TAB3: variants seen among roughly 807,000 people sequenced by gnomAD.
The protein encoded by TAB3 is TGF-beta activated kinase 1 (MAP3K7) binding protein 3.
TAB3 carries 18 observed loss-of-function variants against 48.1 expected under a neutral mutation model. The ratio of observed to expected loss-of-function variants is 0.37; its 90% CI spans 0.26 to 0.55. The LOEUF is 0.55. Among genes scored for constraint, TAB3 ranks in the 20% least tolerant of loss-of-function variants. The probability of loss-of-function intolerance (pLI) is 0.78; values close to 1 mark genes in which losing one functional copy is unlikely to be tolerated. For synonymous variants in TAB3, 185 were observed against 190.2 expected (o/e 0.97, Z 0.22); for missense variants, 414 against 549.8 (o/e 0.75, Z 2.47).
intron 2 of TAB3, among the ~76,000 whole-genome samples, chrX:30,869,406 A>C (rs1053369320): frequency 1.8e-5 from 2 of 111,430 alleles, no homozygotes; most frequent in African/African-American, 6.5e-5. Context: ...CCCCCTCCTA[A>C]ATGCCTACAA....
At position 30,831,464 on chromosome X, in the gene TAB3, T is replaced by C. The variant is rs1938031255; in HGVS notation, c.2102A>G (p.Asn701Ser). ...SCTFLNHPAL[N>S]RCEQCEMPRY... is the part of the protein sequence containing the mutation. ...TGGCATCTCGCACTGCTCACAGCGA[T>C]TTAGTGCTGGGTGGTTAAGAAAGGT... is the stretch of plus-strand genomic sequence containing the variant. The change falls in exon 11 of 11, where the codon AAT becomes AGT. Residue 701 changes from asparagine (N) to serine (S), a missense_variant. Coordinates refer to ENST00000288422, the MANE Select transcript of TAB3 (RefSeq NM_152787.5). The C allele has an allele frequency of 1.7e-6, 2 of 1,210,787 alleles. No homozygotes were observed. The highest frequency in any genetic ancestry group is 3.0e-5 in the East Asian group (1 of 33,818).
chrX:30,831,032 G>C lies in TAB3; in HGVS notation c.*395C>G, dbSNP rs914838380. On this transcript the variant is annotated 3_prime_UTR_variant, in exon 11 of 11. Transcript: ENST00000288422. The stretch of plus-strand genomic sequence containing the variant: ...AGCGGTGACCAGGTAAGTCTGCTCT[G>C]GGAATTCACAGTTTGCATAAACTGT... 2 of 108,874 alleles carry C rather than the reference G, an allele frequency of 1.8e-5. No individual in the cohort carries two copies. The highest frequency in any genetic ancestry group is 3.7e-5 in the Non-Finnish European group (2 of 53,924). 9.0% of individuals were successfully genotyped at this position (108,874 alleles called of 1,213,427 possible).
rs760758803 is a variant in TAB3, at chrX:30,859,630, G to A, written c.-42C>T. 13 of 933,252 alleles carry A rather than the reference G, an allele frequency of 1.4e-5. No individual in the cohort carries two copies. The South Asian group carries it at 1.5e-4, about 11-fold the overall frequency. The allele number at this position is 933,252 out of a possible 1,213,427, so 76.9% of individuals were successfully genotyped here. ...GCCAAGTTTCTCTTAGGAAATGGAT[G>A]TTAACCGGCTTTCCAAAAGTAATGA... On this transcript the variant is annotated 5_prime_UTR_variant, in exon 5 of 11. Transcript: ENST00000288422.
At chrX:30,853,435 T>C (rs932342611) in intron 6 of TAB3, among the ~76,000 whole-genome samples, 1 of 112,525 alleles carries the variant, frequency 8.9e-6, no homozygotes, top group Admixed American at 9.4e-5. Flanking sequence ...TATATGTAAA[T>C]ATCATTATGC....
chrX:30,885,472 TG>T lies in TAB3; in HGVS notation c.-383+3641del, dbSNP rs747758746. On this transcript the variant is annotated intron_variant, in intron 1 of 10. Transcript: ENST00000288422. ...AAAAGGAAATCTTCCCTCCCATAAC[TG>T]GAAGTCTGAGCTTCCCTAGGACCAC... Among the ~76,000 whole-genome samples, 6 of 111,910 alleles carry T rather than the reference TG, an allele frequency of 5.4e-5. No homozygotes were observed. In the South Asian group the frequency reaches 2.2e-3, roughly 42 times the overall value.
At chrX:30,850,700 A>G (rs1287018154) in intron 7 of TAB3, among the ~76,000 whole-genome samples, 1 of 104,485 alleles carries the variant, frequency 9.6e-6, no homozygotes, top group African/African-American at 3.5e-5. Context: ...TGACAGGGTG[A>G]GACTCTCCAT....
chrX:30,853,976 CTAACTTTATTCT>C, intron 6 of TAB3, 128 bp downstream of exon 6: 1 of 775,066 alleles, frequency 1.3e-6, no homozygotes. Flanking sequence ...CACCCGGCCA[CTAACTTTATTCT>C]TAATAGCAAT....
chrX:30,885,054 T>C (rs942980945), intron 1 of TAB3, among the ~76,000 whole-genome samples: 1 of 112,386 alleles, frequency 8.9e-6, no homozygotes, highest in Non-Finnish European at 1.9e-5. Flanking sequence ...AATTTAGAAA[T>C]TCTTCATTGA....
At chrX:30,837,859 T>C (rs73454154) in intron 9 of TAB3, among the ~76,000 whole-genome samples, 1,577 of 112,544 alleles carry the variant, frequency 0.014, 18 homozygotes, top group African/African-American at 0.048. Context: ...GTGAGGTAGG[T>C]AGAGATCAGA....
rs1937958650 is a variant in TAB3 at position 30,829,143 on chromosome X, C to G, written c.*2284G>C. The G allele has an allele frequency of 8.9e-6, 1 of 112,207 alleles. No homozygotes were observed. Among genetic ancestry groups the G allele is most frequent in the South Asian group, 3.7e-4 (1 of 2,712 alleles). The allele number at this position is 112,207 out of a possible 1,213,427, so 9.2% of individuals were successfully genotyped here. A position where few individuals can be genotyped will look rare whatever the true frequency, so the allele number is the denominator to read the frequency against. The stretch of plus-strand genomic sequence containing the variant: ...CCTGGCAGGTGAAAACAATGATTGA[C>G]TAGATAATATCACCAAAGGATTGAA... On this transcript the variant is annotated 3_prime_UTR_variant, in exon 11 of 11. Transcript: ENST00000288422.
intron 10 of TAB3, among the ~76,000 whole-genome samples, chrX:30,833,610 T>TC (rs1938094511): frequency 9.1e-6 from 1 of 110,098 alleles, no homozygotes; most frequent in African/African-American, 3.3e-5. Context: ...GGCGGGTGGA[T>TC]CACGAGGTCA....
intron 1 of TAB3, among the ~76,000 whole-genome samples, chrX:30,882,445 AAC>A (rs755059170): frequency 2.2e-3 from 247 of 111,894 alleles, no homozygotes; most frequent in Non-Finnish European, 4.1e-3. Context: ...GTCCCATGAA[AAC>A]ACAGTTTTAA....
chrX:30,843,268 G>GTA (rs985373949), intron 8 of TAB3: 2 of 271,520 alleles, frequency 7.4e-6, no homozygotes, highest in African/African-American at 5.6e-5. Flanking sequence ...TGTCTACAAT[G>GTA]TATTACACTT....
chrX:30,840,968 G>A (rs771703152), intron 9 of TAB3, among the ~76,000 whole-genome samples: 3 of 111,894 alleles, frequency 2.7e-5, no homozygotes, highest in Non-Finnish European at 3.8e-5. Context: ...AGGCAAAATC[G>A]AGTTTAAAGA....
chrX:30,847,474 C>T (rs983250163), intron 7 of TAB3, among the ~76,000 whole-genome samples: 22 of 107,117 alleles, frequency 2.1e-4, no homozygotes, highest in Non-Finnish European at 1.3e-4. Flanking sequence ...CCATGTCATC[C>T]TTAATTTCTT....
chrX:30,851,525 T>C (rs902951679), intron 7 of TAB3, among the ~76,000 whole-genome samples: 2 of 112,172 alleles, frequency 1.8e-5, no homozygotes, highest in African/African-American at 6.5e-5. Context: ...TTTCCTCCAA[T>C]GTAATAATCT....
At chrX:30,847,235 TATAA>T (rs1938656322) in intron 7 of TAB3, among the ~76,000 whole-genome samples, 2 of 110,903 alleles carry the variant, frequency 1.8e-5, no homozygotes. Context: ...TAAATTCATA[TATAA>T]ATATTTTTGT....
At chrX:30,872,083 C>T (rs962016329) in intron 1 of TAB3, among the ~76,000 whole-genome samples, 1 of 111,889 alleles carries the variant, frequency 8.9e-6, no homozygotes, top group Non-Finnish European at 1.9e-5. Context: ...ATTTTAGCTT[C>T]GGAGAAAGCT....
At chrX:30,876,144 C>G (rs1184788698) in intron 1 of TAB3, among the ~76,000 whole-genome samples, 1 of 111,728 alleles carries the variant, frequency 9.0e-6, no homozygotes, top group Non-Finnish European at 1.9e-5. Context: ...TGTGATGTGG[C>G]CTTGAGTCAT....
Sources: allele counts gnomAD v4.1 joint callset (sites outside exome capture counted in the v4.1 genomes callset), GRCh38; gene constraint gnomAD v4.1.1; transcripts MANE v1.5; gene names NCBI Gene and HGNC (gene_info 2026-07-23, HGNC 2026-07-21).